Variants in TMED3 observed in about 807,000 individuals in gnomAD.
TMED3 encodes transmembrane p24 trafficking protein 3, also known as transmembrane emp24 domain-containing protein 3.
In TMED3, 9 loss-of-function variants were observed where a neutral mutation model predicts 15.0. That is an observed-to-expected ratio of 0.60 (90% CI 0.36 to 1.04). The LOEUF is 1.04. Ranked by LOEUF, TMED3 falls within the 50% of genes least tolerant of loss-of-function variation. TMED3 has a pLI of 0.01. For missense variants in TMED3, 267 were observed against 278.9 expected, an observed-to-expected ratio of 0.96 and a Z score of 0.30; for synonymous variants, 117 against 121.4, an observed-to-expected ratio of 0.96 and a Z score of 0.24.
intron 2 of TMED3, among the ~76,000 whole-genome samples, chr15:79,353,223 A>C (rs2058901977): frequency 1.1e-5 from 1 of 90,280 alleles, no homozygotes; most frequent in Non-Finnish European, 2.0e-5. Flanking sequence ...TATATATTAT[A>C]CATAATATAT....
At chr15:79,329,026 C>T (rs2058797782) in intron 2 of TMED3, among the ~76,000 whole-genome samples, 1 of 152,198 alleles carries the variant, frequency 6.6e-6, no homozygotes, top group Non-Finnish European at 1.5e-5. Flanking sequence ...CCTTGTCCTC[C>T]CCTTTTTAAT....
chr15:79,319,152 A>G (rs2141216003), intron 2 of TMED3, among the ~76,000 whole-genome samples: 1 of 152,300 alleles, frequency 6.6e-6, no homozygotes, highest in East Asian at 1.9e-4. Context: ...TACCCAGTCT[A>G]ACTCTATCAG....
At chr15:79,364,869 T>C (rs1893199602) in intron 2 of TMED3, among the ~76,000 whole-genome samples, 1 of 152,164 alleles carries the variant, frequency 6.6e-6, no homozygotes, top group East Asian at 1.9e-4. Context: ...CAAGCCCATG[T>C]GTGACTTGAT....
At chr15:79,365,376 T>G (rs1302353479) in intron 2 of TMED3, among the ~76,000 whole-genome samples, 42 of 152,112 alleles carry the variant, frequency 2.8e-4, no homozygotes, top group Admixed American at 2.5e-3. Flanking sequence ...AGGAAGAAAT[T>G]TAGAACAAAG....
At chr15:79,313,662 C>T in intron 1 of TMED3, 95 bp from the exon 2 acceptor site, 1 of 1,460,052 alleles carries the variant, frequency 6.8e-7, no homozygotes, top group African/African-American at 1.4e-5. Flanking sequence ...GATGAAGTGA[C>T]AGAAATGTTT....
At chr15:79,364,493 C>A (rs1186814473) in intron 2 of TMED3, among the ~76,000 whole-genome samples, 1 of 151,940 alleles carries the variant, frequency 6.6e-6, no homozygotes, top group Admixed American at 6.6e-5. Flanking sequence ...ACCCCTCGAG[C>A]CTGGAGCCCC....
rs1336512857 is a variant in TMED3, at chr15:79,339,975, C to CCA, written c.417+25980_417+25981dup. On this transcript the variant is annotated intron_variant, in intron 2 of 2. Coordinates refer to the TMED3 transcript ENST00000424155. ...ACCTCTGATCTAGCTCTGAGCCACA[C>CCA]CACACACACACTACTGCATAATATC... Among the ~76,000 whole-genome samples, 8 of 151,824 alleles carry CCA rather than the reference C, an allele frequency of 5.3e-5. No homozygotes were observed. The East Asian group carries it at 9.7e-4, about 18-fold the overall frequency.
intron 2 of TMED3, among the ~76,000 whole-genome samples, chr15:79,406,539 A>G (rs1351616680): frequency 2.0e-5 from 3 of 152,122 alleles, no homozygotes; most frequent in African/African-American, 4.8e-5. Context: ...CACACATACA[A>G]TTATTCTGGG....
At chr15:79,377,292 G>GTT (rs1893443073) in intron 2 of TMED3, among the ~76,000 whole-genome samples, 1 of 150,788 alleles carries the variant, frequency 6.6e-6, no homozygotes, top group Admixed American at 6.6e-5. Flanking sequence ...GTGTGTGTGT[G>GTT]TGTGTGAGAG....
intron 1 of TMED3, among the ~76,000 whole-genome samples, chr15:79,313,294 C>T (rs1042042034): frequency 1.3e-5 from 2 of 152,104 alleles, no homozygotes; most frequent in Non-Finnish European, 2.9e-5. Flanking sequence ...GCTTTATCAG[C>T]ACCATCTCAG....
At chr15:79,386,511 C>T (rs1893627870) in intron 2 of TMED3, among the ~76,000 whole-genome samples, 1 of 152,042 alleles carries the variant, frequency 6.6e-6, no homozygotes, top group South Asian at 2.1e-4. Flanking sequence ...TTTTCATTCT[C>T]TAAAAGGGGT....
chr15:79,363,614 C>A (rs559164052), intron 2 of TMED3, among the ~76,000 whole-genome samples: 1 of 152,146 alleles, frequency 6.6e-6, no homozygotes, highest in Admixed American at 6.5e-5. Flanking sequence ...TGACTTCACC[C>A]TATTTGATGA....
intron 2 of TMED3, among the ~76,000 whole-genome samples, chr15:79,320,193 G>A (rs2058760082): frequency 1.3e-5 from 2 of 152,208 alleles, no homozygotes; most frequent in South Asian, 2.1e-4. Flanking sequence ...GGAGCCCTCT[G>A]GCGGCCCTGT....
At chr15:79,335,290 G>A (rs4779076) in intron 2 of TMED3, among the ~76,000 whole-genome samples, 44,731 of 118,376 alleles carry the variant, frequency 0.38, 6,678 homozygotes, top group South Asian at 0.47. Flanking sequence ...CTGGGCTTCT[G>A]GGAAAAATAA....
intron 2 of TMED3, among the ~76,000 whole-genome samples, chr15:79,318,232 T>C (rs887674415): frequency 7.9e-5 from 12 of 152,212 alleles, no homozygotes; most frequent in African/African-American, 2.9e-4. Context: ...CCTGCCGCTC[T>C]GCATACCCTT....
At chr15:79,315,201 A>G (rs1410018681) in intron 2 of TMED3, among the ~76,000 whole-genome samples, 1 of 152,228 alleles carries the variant, frequency 6.6e-6, no homozygotes, top group Admixed American at 6.5e-5. Flanking sequence ...GTTGGAGGCT[A>G]GAGCTGCACT....
chr15:79,311,993 C>T (rs2058717441), intron 1 of TMED3, among the ~76,000 whole-genome samples: 1 of 152,230 alleles, frequency 6.6e-6, no homozygotes, highest in South Asian at 2.1e-4. Flanking sequence ...AGACTTGGCT[C>T]TTGCCATATG....
At chr15:79,364,791 C>T (rs2141242395) in intron 2 of TMED3, among the ~76,000 whole-genome samples, 1 of 152,126 alleles carries the variant, frequency 6.6e-6, no homozygotes, top group South Asian at 2.1e-4. Flanking sequence ...TCACTGCATC[C>T]TCCCAGCTCC....
chr15:79,361,223 G>A (rs765082474), intron 2 of TMED3, among the ~76,000 whole-genome samples: 16 of 152,126 alleles, frequency 1.1e-4, no homozygotes, highest in Non-Finnish European at 2.2e-4. Context: ...GCCATTTGCT[G>A]GTGGTGTGGA....
Sources: gnomAD v4.1 joint callset for allele counts (sites outside exome capture counted in the v4.1 genomes callset) on GRCh38, gnomAD v4.1.1 for gene constraint, MANE v1.5 for transcripts, NCBI Gene and HGNC (gene_info 2026-07-23, HGNC 2026-07-21) for gene names.